The following R3HDM2 variants were observed in gnomAD, a reference collection of about 807,000 sequenced individuals.
The protein encoded by R3HDM2 is R3H domain-containing protein 2.
A neutral mutation model predicts 124.5 loss-of-function variants in R3HDM2; 38 were observed. The observed-to-expected ratio is 0.31, with a 90% CI of 0.24 to 0.40. The LOEUF (loss-of-function observed/expected upper bound fraction) is 0.40, where lower values mean the gene tolerates loss of function less well. Among genes scored for constraint, R3HDM2 ranks in the 10% least tolerant of loss-of-function variants. R3HDM2 has a pLI of 1.00. For missense variants in R3HDM2, 869 were observed against 1,236.9 expected, an observed-to-expected ratio of 0.70 and a Z score of 4.46; for synonymous variants, 391 against 448.0, an observed-to-expected ratio of 0.87 and a Z score of 1.61.
At chr12:57,422,125 G>A (rs989066661) in intron 1 of R3HDM2, among the ~76,000 whole-genome samples, 1 of 149,138 alleles carries the variant, frequency 6.7e-6, no homozygotes, top group African/African-American at 2.5e-5. Context: ...AAAATTTTGA[G>A]TCCATCTATC....
intron 22 of R3HDM2, 40 bp downstream of exon 22, chr12:57,256,374 G>A (rs1362296740): frequency 2.1e-6 from 3 of 1,445,180 alleles, no homozygotes; most frequent in Middle Eastern, 1.8e-4. Context: ...AATAAGAAGA[G>A]GGGTCTGATG....
rs532900341 is a variant in R3HDM2, at chr12:57,362,927, TCTC to T, written c.-36+32819_-36+32821del. Among the ~76,000 whole-genome samples the T allele has an allele frequency of 6.5e-4, 99 of 152,272 alleles. 1 individual carries two copies. The highest frequency in any genetic ancestry group is 2.3e-3 in the African/African-American group (97 of 41,560). On this transcript the variant is annotated intron_variant, in intron 2 of 23. Coordinates refer to ENST00000402412, the MANE Select transcript of R3HDM2 (RefSeq NM_001394031.1). ...ACCTCTGCCTCCTGGTTCAAGCAGT[TCTC>T]CTGCCTCAGCCTCCTGAGTAGCTGG...
chr12:57,299,816 G>T (rs1332177606), intron 5 of R3HDM2, among the ~76,000 whole-genome samples: 3 of 152,150 alleles, frequency 2.0e-5, no homozygotes, highest in Admixed American at 6.5e-5. Flanking sequence ...ATCCTAGGTG[G>T]TCAAGATATG....
rs563459855 is a variant in R3HDM2, at chr12:57,275,516, A to C, written c.1344+4842T>G. On this transcript the variant is annotated intron_variant, in intron 14 of 23. Coordinates refer to ENST00000402412, the MANE Select transcript of R3HDM2 (RefSeq NM_001394031.1). ...CGTTTGCATGGAAAAAAAAAAAAAAAAACAGCAGAGGAAACAGACAAACCA... is the reference window on the plus strand; with the variant it reads ...CGTTTGCATGGAAAAAAAAAAAAAACAACAGCAGAGGAAACAGACAAACCA... Among the ~76,000 whole-genome samples, 149 of 152,000 alleles carry C rather than the reference A, an allele frequency of 9.8e-4. 3 individuals carry two copies. In the South Asian group the frequency reaches 0.022, roughly 22 times the overall value.
intron 2 of R3HDM2, among the ~76,000 whole-genome samples, chr12:57,370,597 G>T (rs551112392): frequency 2.0e-5 from 3 of 151,934 alleles, no homozygotes. Context: ...CCAAGATCGC[G>T]CCATTGCACT....
intron 2 of R3HDM2, 40 bp downstream of exon 2, chr12:57,395,709 G>A (rs1266075192): frequency 1.1e-6 from 1 of 876,754 alleles, no homozygotes; most frequent in African/African-American, 1.8e-5. Context: ...TTTGTTGCCT[G>A]GAACACAGAA....
At chr12:57,320,907 C>T (rs956341039) in intron 2 of R3HDM2, among the ~76,000 whole-genome samples, 4 of 152,066 alleles carry the variant, frequency 2.6e-5, no homozygotes, top group East Asian at 1.9e-4. Context: ...AGCAAGACAA[C>T]GATATCTAGG....
chr12:57,289,917 A>T (rs989185679), intron 11 of R3HDM2, among the ~76,000 whole-genome samples: 4 of 152,110 alleles, frequency 2.6e-5, no homozygotes, highest in Non-Finnish European at 5.9e-5. Context: ...TCCTCTCCAC[A>T]TGGAATCTTT....
chr12:57,299,108 G>C (rs182512009), intron 6 of R3HDM2, among the ~76,000 whole-genome samples: 1 of 152,328 alleles, frequency 6.6e-6, no homozygotes, highest in East Asian at 1.9e-4. Flanking sequence ...AATCAGAATT[G>C]ACTACATTGT....
intron 2 of R3HDM2, among the ~76,000 whole-genome samples, chr12:57,318,287 G>T (rs141798205): frequency 6.6e-6 from 1 of 151,840 alleles, no homozygotes; most frequent in Non-Finnish European, 1.5e-5. Flanking sequence ...GCAAGACTCT[G>T]TCTCAAAGAA....
At chr12:57,412,183 T>C (rs1415656650) in intron 1 of R3HDM2, among the ~76,000 whole-genome samples, 1 of 152,242 alleles carries the variant, frequency 6.6e-6, no homozygotes, top group Non-Finnish European at 1.5e-5. Context: ...ATATGAGTTC[T>C]AGATTGTATT....
intron 1 of R3HDM2, among the ~76,000 whole-genome samples, chr12:57,399,444 G>A (rs571845301): frequency 1.1e-4 from 16 of 152,028 alleles, no homozygotes; most frequent in East Asian, 3.9e-4. Flanking sequence ...TAATGACCCC[G>A]TCACCAGAAA....
chr12:57,344,166 C>CGTTA (rs2059875595), intron 2 of R3HDM2, among the ~76,000 whole-genome samples: 1 of 152,116 alleles, frequency 6.6e-6, no homozygotes, highest in South Asian at 2.1e-4. Flanking sequence ...TATCTCCTAA[C>CGTTA]GTTAAGGTCA....
chr12:57,399,608 AC>A (rs2067868096), intron 1 of R3HDM2, among the ~76,000 whole-genome samples: 1 of 152,160 alleles, frequency 6.6e-6, no homozygotes, highest in Admixed American at 6.6e-5. Flanking sequence ...CTTGTCTAGG[AC>A]CCAAGACAAT....
chr12:57,388,787 G>A (rs2066256524), intron 2 of R3HDM2, among the ~76,000 whole-genome samples: 1 of 151,894 alleles, frequency 6.6e-6, no homozygotes, highest in African/African-American at 2.4e-5. Context: ...CATATGGAGG[G>A]GGAAAAAGTT....
At chr12:57,406,762 A>C (rs1206419449) in intron 1 of R3HDM2, among the ~76,000 whole-genome samples, 2 of 152,216 alleles carry the variant, frequency 1.3e-5, no homozygotes, top group Non-Finnish European at 2.9e-5. Context: ...CTAACCAAAA[A>C]TATTGAATCT....
chr12:57,294,670 C>A (rs2049364233), intron 10 of R3HDM2, among the ~76,000 whole-genome samples: 1 of 152,158 alleles, frequency 6.6e-6, no homozygotes, highest in Non-Finnish European at 1.5e-5. Flanking sequence ...CAAGCAGAGG[C>A]AGGCTGGATC....
intron 1 of R3HDM2, 48 bp from the exon 2 acceptor site, chr12:57,395,866 A>T (rs2067425689): frequency 1.2e-6 from 1 of 848,868 alleles, no homozygotes; most frequent in African/African-American, 1.8e-5. Context: ...GCAATTTTAA[A>T]CCTTAATATA....
At chr12:57,269,120 T>C (rs761715282) in intron 16 of R3HDM2, 38 bp from the exon 17 acceptor site, 6 of 1,608,140 alleles carry the variant, frequency 3.7e-6, no homozygotes, top group African/African-American at 1.3e-5. Context: ...TTAGTATGAA[T>C]GTTTAGGAGG....
Sources: allele counts gnomAD v4.1 joint callset (sites outside exome capture counted in the v4.1 genomes callset), GRCh38; gene constraint gnomAD v4.1.1; transcripts MANE v1.5; gene names NCBI Gene and HGNC (gene_info 2026-07-23, HGNC 2026-07-21).